The following AAK1 variants were observed in gnomAD, a reference collection of about 807,000 sequenced individuals.
The protein encoded by AAK1 is AP2-associated protein kinase 1.
In AAK1, 37 loss-of-function variants were observed where a neutral mutation model predicts 116.0. The observed-to-expected ratio is 0.32, with a 90% CI of 0.25 to 0.42. The LOEUF (loss-of-function observed/expected upper bound fraction) is 0.42. Ranked by LOEUF, AAK1 falls within the 10% of genes least tolerant of loss-of-function variation. The pLI is 1.00. For missense variants in AAK1, 919 were observed against 1,170.6 expected, an observed-to-expected ratio of 0.79 and a Z score of 3.14; for synonymous variants, 458 against 439.9, an observed-to-expected ratio of 1.04 and a Z score of -0.51.
At chr2:69,537,321 A>G (rs370078422) in intron 5 of AAK1, among the ~76,000 whole-genome samples, 4 of 152,238 alleles carry the variant, frequency 2.6e-5, no homozygotes, top group Admixed American at 2.6e-4. Context: ...TTAGAACATA[A>G]GCTGCTTAAG....
chr2:69,500,698 T>TACACACAC lies in AAK1; in HGVS notation c.2270-4626_2270-4619dup, dbSNP rs563907265. Among the ~76,000 whole-genome samples, 224 of 65,084 alleles carry TACACACAC rather than the reference T, an allele frequency of 3.4e-3. 2 individuals carry two copies. The highest frequency in any genetic ancestry group is 0.014 in the African/African-American group (179 of 12,652). 42.7% of individuals were successfully genotyped at this position (65,084 alleles called of 152,430 possible). ...ATATATATATATATATATATATATA[T>TACACACAC]ACACACACACACACACACACACACA... On this transcript the variant is annotated intron_variant, in intron 16 of 21. Coordinates refer to ENST00000409085, the MANE Select transcript of AAK1 (RefSeq NM_014911.5).
At chr2:69,611,362 C>G (rs184098013) in intron 2 of AAK1, among the ~76,000 whole-genome samples, 2 of 152,354 alleles carry the variant, frequency 1.3e-5, no homozygotes, top group African/African-American at 4.8e-5. Context: ...GGGACTCGGA[C>G]CAGTGGCTTC....
rs756641894 is a variant in AAK1, at chr2:69,461,647, T to G, written c.*14222A>C. On this transcript the variant is annotated 3_prime_UTR_variant, in exon 22 of 22. Coordinates refer to ENST00000409085, the MANE Select transcript of AAK1 (RefSeq NM_014911.5). ...TTTGCTCTTCTCGCCCAGGCTGGAG[T>G]GCAATGACACAATCTTGGCTCACTG... The G allele has an allele frequency of 8.4e-5, 36 of 427,326 alleles. No homozygotes were observed. The highest frequency in any genetic ancestry group is 1.8e-5 in the Non-Finnish European group (4 of 217,190). 26.5% of individuals were successfully genotyped at this position (427,326 alleles called of 1,614,324 possible).
chr2:69,523,818 G>A (rs951985544), intron 10 of AAK1, among the ~76,000 whole-genome samples: 3 of 152,192 alleles, frequency 2.0e-5, no homozygotes, highest in African/African-American at 7.2e-5. Context: ...AGGAGATGAG[G>A]GACTATCTGC....
intron 2 of AAK1, among the ~76,000 whole-genome samples, chr2:69,565,095 G>A (rs185310022): frequency 2.4e-3 from 364 of 152,334 alleles, no homozygotes; most frequent in Non-Finnish European, 3.5e-3. Flanking sequence ...TTAACAAAAC[G>A]TATGGAGGGT....
intron 9 of AAK1, among the ~76,000 whole-genome samples, chr2:69,525,838 A>T (rs574898097): frequency 3.3e-5 from 5 of 152,106 alleles, no homozygotes; most frequent in Admixed American, 3.3e-4. Context: ...GCTTCCACTT[A>T]GATTTCACAT....
chr2:69,636,792 C>T (rs886334798), intron 2 of AAK1, among the ~76,000 whole-genome samples: 1 of 151,876 alleles, frequency 6.6e-6, no homozygotes, highest in Non-Finnish European at 1.5e-5. Flanking sequence ...CTCTGCCTCC[C>T]GGATTCAAGC....
intron 19 of AAK1, 66 bp downstream of exon 19, chr2:69,480,794 G>A: frequency 7.2e-7 from 1 of 1,384,458 alleles, no homozygotes; most frequent in Non-Finnish European, 9.9e-7. Context: ...TGAGCCAGGT[G>A]AAAAGACTGG....
chr2:69,626,431 C>T (rs10191956), intron 2 of AAK1, among the ~76,000 whole-genome samples: 19,843 of 151,260 alleles, frequency 0.13, 3,019 homozygotes, highest in African/African-American at 0.36. Flanking sequence ...CTTATCTTGA[C>T]GTCTGTAATG....
chr2:69,606,446 T>A (rs1198329802), intron 2 of AAK1, among the ~76,000 whole-genome samples: 1 of 152,246 alleles, frequency 6.6e-6, no homozygotes, highest in Non-Finnish European at 1.5e-5. Flanking sequence ...TCCAGGCTAG[T>A]ACCTCAATGT....
intron 17 of AAK1, among the ~76,000 whole-genome samples, chr2:69,488,221 T>C (rs1675381155): frequency 2.0e-5 from 3 of 151,974 alleles, no homozygotes; most frequent in South Asian, 4.2e-4. Context: ...TTGGGTACTA[T>C]GTTCAGTACC....
chr2:69,518,973 T>A lies in AAK1; in HGVS notation c.1478A>T (p.Gln493Leu), dbSNP rs1231709732. Residue 493 changes from glutamine to leucine, a missense_variant, in exon 12 of 22, where the codon CAG (glutamine) becomes CTG (leucine). Transcript: ENST00000409085. ...CCTTACCTGCTGAGTCTGGGCCTGC[T>A]GCTGCTGGTAAAACGTGCCTGCCGG... ...QQPAGTFYQQQQAQTQQFQAV... is the reference protein window; with the variant it reads ...QQPAGTFYQQLQAQTQQFQAV... The A allele has an allele frequency of 6.5e-7, 1 of 1,548,726 alleles. No individual in the cohort carries two copies. Among genetic ancestry groups the A allele is most frequent in the Non-Finnish European group, 8.7e-7 (1 of 1,146,312 alleles).
At chr2:69,562,751 G>A (rs950763412) in intron 2 of AAK1, among the ~76,000 whole-genome samples, 6 of 152,152 alleles carry the variant, frequency 3.9e-5, no homozygotes, top group Admixed American at 2.0e-4. Context: ...TTAGCCAGGC[G>A]TGGTGGTGTG....
intron 15 of AAK1, 36 bp downstream of exon 15, chr2:69,507,385 A>C: frequency 6.2e-7 from 1 of 1,600,450 alleles, no homozygotes. Flanking sequence ...GAGAATCTAT[A>C]ATCAAGAAGC....
chr2:69,612,647 A>T (rs919405949), intron 2 of AAK1, among the ~76,000 whole-genome samples: 1 of 152,366 alleles, frequency 6.6e-6, no homozygotes, highest in Admixed American at 6.5e-5. Flanking sequence ...TGCCTCCTTC[A>T]CCATTCAACT....
At position 69,465,130 on chromosome 2, in the gene AAK1, G is replaced by A; in HGVS notation, c.*10739C>T. On this transcript the variant is annotated 3_prime_UTR_variant, in exon 22 of 22. Transcript: ENST00000409085. ...ACAGTTTCTGTGGGTGGGGCGGGGG[G>A]AAAGCAGAGTTCTTGGTGGAAGTGG... 1 of 223,876 alleles carries A rather than the reference G, an allele frequency of 4.5e-6. No individual in the cohort carries two copies. 13.9% of individuals were successfully genotyped at this position (223,876 alleles called of 1,614,324 possible).
Position 69,619,699 on chromosome 2 carries a change from C to T in AAK1, c.163+23179G>A, listed in dbSNP as rs1674502863. Among the ~76,000 whole-genome samples the T allele has an allele frequency of 2.6e-5, 4 of 152,066 alleles. No individual in the cohort carries two copies. The South Asian group carries it at 8.3e-4, about 32-fold the overall frequency. On this transcript the variant is annotated intron_variant, in intron 2 of 21. Transcript: ENST00000409085. ...AGGGAAGGACTCTCTCAGAAAGTGA[C>T]ATTTAAGCAAAATAGGTGAGGGAGA...
chr2:69,633,155 C>T (rs1256418684), intron 2 of AAK1, among the ~76,000 whole-genome samples: 1 of 147,670 alleles, frequency 6.8e-6, no homozygotes, highest in Non-Finnish European at 1.5e-5. Flanking sequence ...GGAGGTGGAG[C>T]TTGCAGTGAG....
chr2:69,573,609 T>C (rs1672178254), intron 2 of AAK1, among the ~76,000 whole-genome samples: 1 of 152,202 alleles, frequency 6.6e-6, no homozygotes. Context: ...TGTGGCAATA[T>C]GCATAAAAAC....
Sources: gnomAD v4.1 joint callset for allele counts (sites outside exome capture counted in the v4.1 genomes callset) on GRCh38, gnomAD v4.1.1 for gene constraint, MANE v1.5 for transcripts, NCBI Gene and HGNC (gene_info 2026-07-23, HGNC 2026-07-21) for gene names.